The following INSL6 variants were observed in gnomAD, a reference collection of about 807,000 sequenced individuals.
The protein encoded by INSL6 is insulin like 6.
A neutral mutation model predicts 9.4 loss-of-function variants in INSL6; 16 were observed. The observed-to-expected ratio is 1.70, with a 90% confidence interval of 1.15 to 2.59. The LOEUF is 2.59. INSL6 is among the 30% of genes most tolerant of loss of function. The probability of loss-of-function intolerance (pLI) is 0.00; values close to 1 mark genes in which losing one functional copy is unlikely to be tolerated. For synonymous variants in INSL6, 154 were observed against 96.9 expected (o/e 1.59, Z -3.46); for missense variants, 391 against 257.3 (o/e 1.52, Z -3.56).
At chr9:5,021,657 T>C in the INSL6 span, among the ~76,000 whole-genome samples, 1 of 152,204 alleles carries the variant, frequency 6.6e-6, no homozygotes, top group African/African-American at 2.4e-5. Flanking sequence ...GACAGGGTCT[T>C]GCTGTGTCAC....
the INSL6 span, among the ~76,000 whole-genome samples, chr9:5,088,640 A>T: frequency 6.6e-6 from 1 of 152,202 alleles, no homozygotes; most frequent in Non-Finnish European, 1.5e-5. Flanking sequence ...GGGTAGCTTA[A>T]ACATCAGACA....
At chr9:5,124,849 A>G (rs1465477671) in intron 3 of INSL6, among the ~76,000 whole-genome samples, 1 of 151,610 alleles carries the variant, frequency 6.6e-6, no homozygotes, top group African/African-American at 2.4e-5. Flanking sequence ...AAGAATAGTA[A>G]GCCTAGGACT....
the INSL6 span, chr9:5,069,885 G>A: frequency 1.5e-6 from 2 of 1,354,846 alleles, no homozygotes; most frequent in African/African-American, 2.9e-5. Flanking sequence ...CATACTTTCA[G>A]TGTATTTTGA....
chr9:5,058,044 A>G, the INSL6 span, among the ~76,000 whole-genome samples: 2 of 152,214 alleles, frequency 1.3e-5, no homozygotes, highest in Non-Finnish European at 2.9e-5. Context: ...TAATATATGT[A>G]TGTATTCTGT....
chr9:5,139,544 T>A (rs1824449451), intron 2 of INSL6, among the ~76,000 whole-genome samples: 1 of 152,144 alleles, frequency 6.6e-6, no homozygotes, highest in African/African-American at 2.4e-5. Flanking sequence ...TCTAGACACA[T>A]CCCTGGTTGC....
At chr9:5,093,495 G>A in the INSL6 span, among the ~76,000 whole-genome samples, 1 of 152,290 alleles carries the variant, frequency 6.6e-6, no homozygotes, top group East Asian at 1.9e-4. Flanking sequence ...ACCTATTGGT[G>A]AAGAGGAGCT....
At chr9:5,146,253 TGAGA>T (rs1173838354) in intron 2 of INSL6, among the ~76,000 whole-genome samples, 1 of 152,192 alleles carries the variant, frequency 6.6e-6, no homozygotes, top group Non-Finnish European at 1.5e-5. Flanking sequence ...CTGTGTGCTC[TGAGA>T]GACTTGAATT....
intron 1 of INSL6, among the ~76,000 whole-genome samples, chr9:5,173,806 C>T (rs1041525929): frequency 2.0e-5 from 3 of 151,976 alleles, no homozygotes; most frequent in Non-Finnish European, 2.9e-5. Flanking sequence ...AAGGGTTCAT[C>T]CCAGAAACAC....
the INSL6 span, chr9:5,108,561 C>T: frequency 2.6e-5 from 4 of 152,068 alleles, no homozygotes; most frequent in Non-Finnish European, 5.9e-5. Context: ...CGGACTTCAC[C>T]TGTGACTCCC....
the INSL6 span, chr9:5,069,897 G>A: frequency 6.8e-7 from 1 of 1,467,086 alleles, no homozygotes; most frequent in South Asian, 1.3e-5. Context: ...GTATTTTGAA[G>A]TGATATATAT....
exon 4 of INSL6, among the ~76,000 whole-genome samples, chr9:5,124,017 A>T (rs1260179897): frequency 1.3e-5 from 2 of 151,588 alleles, no homozygotes; most frequent in African/African-American, 4.8e-5. Context: ...TTCTTTTGAA[A>T]ATGTCTATTG....
At chr9:5,092,532 A>G in the INSL6 span, among the ~76,000 whole-genome samples, 1 of 152,126 alleles carries the variant, frequency 6.6e-6, no homozygotes, top group Non-Finnish European at 1.5e-5. Flanking sequence ...TAATCAAACC[A>G]TTTACCTTAG....
the INSL6 span, among the ~76,000 whole-genome samples, chr9:5,107,325 C>G: frequency 3.9e-5 from 6 of 151,998 alleles, no homozygotes; most frequent in African/African-American, 1.5e-4. Context: ...TAGATAAATC[C>G]AGCCCCTATG....
the INSL6 span, chr9:5,085,416 A>T: frequency 6.5e-6 from 5 of 765,836 alleles, no homozygotes; most frequent in Admixed American, 1.7e-5. Context: ...CTGCTTTACA[A>T]CTGTTGGCTA....
At chr9:5,086,873 C>T in the INSL6 span, among the ~76,000 whole-genome samples, 3 of 152,138 alleles carry the variant, frequency 2.0e-5, no homozygotes, top group Admixed American at 1.3e-4. Flanking sequence ...GTATCAAGCG[C>T]GTTTAAATGT....
the INSL6 span, chr9:5,055,577 G>T: frequency 9.9e-7 from 1 of 1,013,198 alleles, no homozygotes; most frequent in East Asian, 2.6e-5. Flanking sequence ...TTATTTTAAA[G>T]AATTTGGAAA....
chr9:5,050,727 G>A, the INSL6 span: 1 of 1,613,824 alleles, frequency 6.2e-7, no homozygotes, highest in Admixed American at 1.7e-5. Context: ...AAGTACCTGT[G>A]ACTCATGAAA....
At chr9:5,013,502 G>A in the INSL6 span, among the ~76,000 whole-genome samples, 2 of 152,180 alleles carry the variant, frequency 1.3e-5, no homozygotes, top group Non-Finnish European at 2.9e-5. Flanking sequence ...GGACATTTCT[G>A]TGGAAAAGTT....
chr9:5,054,993 T>A, the INSL6 span: 1 of 771,342 alleles, frequency 1.3e-6, no homozygotes, highest in Non-Finnish European at 2.0e-6. The surrounding 1 kb of genome is among the most constrained non-coding windows in gnomAD (Gnocchi z 4.9). Context: ...TCCCATTTGA[T>A]AGAAGTGGAA....
Sources: gnomAD v4.1 joint callset for allele counts (sites outside exome capture counted in the v4.1 genomes callset) on GRCh38, gnomAD v4.1.1 for gene constraint, Gnocchi (gnomAD v3.1) non-coding constraint, MANE v1.5 for transcripts, NCBI Gene and HGNC (gene_info 2026-07-23, HGNC 2026-07-21) for gene names.